The following ABI3BP variants were observed in gnomAD, a reference collection of about 807,000 sequenced individuals.
ABI3BP encodes ABI family member 3 binding protein.
Under a neutral mutation model 268.6 loss-of-function variants are expected in ABI3BP, and 216 were observed. That is an observed-to-expected ratio of 0.80 (90% CI 0.72 to 0.90). The LOEUF (loss-of-function observed/expected upper bound fraction) is 0.90, where lower values mean the gene tolerates loss of function less well. Ranked by LOEUF, ABI3BP falls within the 40% of genes least tolerant of loss-of-function variation. ABI3BP has a pLI of 0.00. For missense variants in ABI3BP, 2,090 were observed against 2,182.4 expected (o/e 0.96, Z 0.84); for synonymous variants, 730 against 730.0 (o/e 1.00, Z 0.00).
chr3:100,828,541 T>G (rs2098429735), intron 33 of ABI3BP, 89 bp from the exon 34 acceptor site: 2 of 1,177,692 alleles, frequency 1.7e-6, no homozygotes, highest in Admixed American at 4.2e-5. Context: ...TACGAGGTCA[T>G]GACATATCTG....
intron 2 of ABI3BP, among the ~76,000 whole-genome samples, chr3:100,914,733 G>A (rs1387570132): frequency 6.6e-6 from 1 of 152,168 alleles, no homozygotes; most frequent in African/African-American, 2.4e-5. Flanking sequence ...TTAAAGGGGG[G>A]AAAGAGGGCA....
Position 100,858,855 on chromosome 3 carries a change from A to G in ABI3BP, c.1285+3456T>C, listed in dbSNP as rs199740790. 1.4e-4 allele frequency among the ~76,000 whole-genome samples: 21 copies of G among 152,324 alleles called. 1 individual carries two copies. In the East Asian group the frequency reaches 4.1e-3, roughly 29 times the overall value. The stretch of plus-strand genomic sequence containing the variant: ...ACAGACAAAAACATGAACATCACCC[A>G]GAGCACAAACATTACCCTCCCCACC... On this transcript the variant is annotated intron_variant, in intron 14 of 67. Transcript: ENST00000471714.
intron 20 of ABI3BP, chr3:100,843,703 T>C (rs947640680): frequency 1.0e-5 from 10 of 984,342 alleles, no homozygotes; most frequent in South Asian, 4.7e-5. Context: ...CCTCAGATGC[T>C]ATAGGACAAG....
chr3:100,864,603 A>T (rs2099031511), intron 11 of ABI3BP: 1 of 502,686 alleles, frequency 2.0e-6, no homozygotes, highest in Non-Finnish European at 3.5e-6. Context: ...GTTAGCAATT[A>T]GCATCCAGAT....
At chr3:100,807,689 CAT>C (rs1277733214) in intron 50 of ABI3BP, among the ~76,000 whole-genome samples, 2 of 151,990 alleles carry the variant, frequency 1.3e-5, no homozygotes, top group Non-Finnish European at 2.9e-5. Flanking sequence ...TGGTGCTAAA[CAT>C]TTTCCTTTCC....
intron 1 of ABI3BP, among the ~76,000 whole-genome samples, chr3:100,962,293 T>G (rs1049190844): frequency 6.6e-6 from 1 of 152,210 alleles, no homozygotes; most frequent in East Asian, 1.9e-4. Flanking sequence ...TTTCTTGTTC[T>G]GCATAACAGG....
chr3:100,853,480 T>TA, intron 14 of ABI3BP, among the ~76,000 whole-genome samples: 1 of 152,348 alleles, frequency 6.6e-6, no homozygotes, highest in Middle Eastern at 3.4e-3. Context: ...AACTTGTATT[T>TA]AATCCTCTCA....
At chr3:100,862,801 C>T in intron 13 of ABI3BP, 37 bp downstream of exon 13, 2 of 1,412,372 alleles carry the variant, frequency 1.4e-6, no homozygotes, top group Non-Finnish European at 1.9e-6. Context: ...AATCACCACC[C>T]ACAGCCTTAA....
rs2095203589 is a variant in ABI3BP, at chr3:100,749,427, T to TAA, written c.*1066_*1067dup. Reference sequence around the variant, plus strand: ...GATAAGATTGAAGCATGTTGAAAGGTAAGTACAGGGAAAGGTCCTTTCAGA... The same window carrying TAA: ...GATAAGATTGAAGCATGTTGAAAGGTAAAAGTACAGGGAAAGGTCCTTTCAGA... On this transcript the variant is annotated 3_prime_UTR_variant, in exon 68 of 68. Transcript: ENST00000471714. 1.0e-5 allele frequency: 4 copies of TAA among 387,470 alleles called. No individual in the cohort carries two copies. The highest frequency in any genetic ancestry group is 1.8e-5 in the Non-Finnish European group (4 of 219,022). The allele number at this position is 387,470 out of a possible 1,614,324, so 24.0% of individuals were successfully genotyped here.
intron 36 of ABI3BP, 66 bp downstream of exon 36, chr3:100,824,792 C>T (rs527623571): frequency 2.2e-6 from 3 of 1,362,254 alleles, no homozygotes; most frequent in Non-Finnish European, 2.0e-6. Flanking sequence ...AGCATTGACA[C>T]TGCTTCAGTC....
chr3:100,750,467 T>TGAACA lies in ABI3BP; in HGVS notation c.*27_*28insTGTTC, dbSNP rs1171333792. ...TTTCAATGATTTTTGTTTGCAATGA[T>TGAACA]GAAACAGAAGGTAACTTTGTGCAGC... On this transcript the variant is annotated 3_prime_UTR_variant, in exon 68 of 68. Transcript: ENST00000471714. The TGAACA allele has an allele frequency of 6.5e-7, 1 of 1,544,252 alleles. No homozygotes were observed. The highest frequency in any genetic ancestry group is 8.9e-7 in the Non-Finnish European group (1 of 1,120,044).
At chr3:100,787,584 G>C (rs1485918676) in intron 57 of ABI3BP, 144 bp downstream of exon 57, 1 of 640,486 alleles carries the variant, frequency 1.6e-6, no homozygotes, top group Admixed American at 3.7e-5. Flanking sequence ...TTTGGAATGA[G>C]TTATAATTTT....
intron 22 of ABI3BP, 111 bp from the exon 23 acceptor site, chr3:100,840,275 A>T: frequency 1.2e-6 from 1 of 826,686 alleles, no homozygotes; most frequent in Non-Finnish European, 1.8e-6. Context: ...TACTGTGGAC[A>T]TGTTTCCATC....
In ABI3BP at chr3:100,894,965, A is replaced by AAAAAAAAAAC. The variant is rs760156604; in HGVS notation, c.461+3796_461+3797insGTTTTTTTTT. On this transcript the variant is annotated intron_variant, in intron 4 of 67. Coordinates refer to ENST00000471714, the MANE Select transcript of ABI3BP (RefSeq NM_001375547.2). ...AAAAAAAAAAAAAAAAAAAAAAAAA[A>AAAAAAAAAAC]AACAGAAAAAAAAAACACAAGATGA... is the stretch of plus-strand genomic sequence containing the variant. Among the ~76,000 whole-genome samples the AAAAAAAAAAC allele has an allele frequency of 1.6e-3, 194 of 120,790 alleles. 2 individuals are homozygous for AAAAAAAAAAC. Among genetic ancestry groups the AAAAAAAAAAC allele is most frequent in the Non-Finnish European group, 3.1e-3 (160 of 51,314 alleles). 79.2% of individuals were successfully genotyped at this position (120,790 alleles called of 152,430 possible).
Position 100,974,484 on chromosome 3 carries a change from T to C in ABI3BP, c.79+18822A>G, listed in dbSNP as rs2085131114. 3.3e-5 allele frequency among the ~76,000 whole-genome samples: 5 copies of C among 152,008 alleles called. No homozygotes were observed. The South Asian group carries it at 8.3e-4, about 25-fold the overall frequency. On this transcript the variant is annotated intron_variant, in intron 1 of 67. Coordinates refer to ENST00000471714, the MANE Select transcript of ABI3BP (RefSeq NM_001375547.2). ...TATATTATGAAAGAACTGTGCTAAG[T>C]GGAAAAAAACGGACAAAAAAAGTTA...
intron 2 of ABI3BP, among the ~76,000 whole-genome samples, chr3:100,903,985 A>G (rs1037488016): frequency 1.3e-5 from 2 of 152,228 alleles, no homozygotes; most frequent in South Asian, 2.1e-4. Flanking sequence ...TGAGGCTCGT[A>G]CAAGGAATGC....
At chr3:100,930,292 T>C (rs1395214823) in intron 1 of ABI3BP, among the ~76,000 whole-genome samples, 1 of 151,948 alleles carries the variant, frequency 6.6e-6, no homozygotes, top group African/African-American at 2.4e-5. Flanking sequence ...ACAAAGCATA[T>C]GTCAACAGGA....
intron 1 of ABI3BP, among the ~76,000 whole-genome samples, chr3:100,942,162 T>C (rs1282421257): frequency 6.6e-6 from 1 of 152,118 alleles, no homozygotes; most frequent in Non-Finnish European, 1.5e-5. Flanking sequence ...GAATATGATA[T>C]GTCTGATGGC....
intron 7 of ABI3BP, 118 bp downstream of exon 7, chr3:100,876,394 C>G: frequency 1.0e-6 from 1 of 979,316 alleles, no homozygotes; most frequent in Non-Finnish European, 1.5e-6. Context: ...TTTCTTTGAA[C>G]TTTTTCTCAA....
Sources: gnomAD v4.1 joint callset for allele counts (sites outside exome capture counted in the v4.1 genomes callset) on GRCh38, gnomAD v4.1.1 for gene constraint, MANE v1.5 for transcripts, NCBI Gene and HGNC (gene_info 2026-07-23, HGNC 2026-07-21) for gene names.